Variants in NRF1 observed in about 807,000 individuals in gnomAD.
NRF1 encodes alpha palindromic-binding protein.
In NRF1, 5 loss-of-function variants were observed where a neutral mutation model predicts 58.5. The ratio of observed to expected loss-of-function variants is 0.09; its 90% CI spans 0.04 to 0.18. The LOEUF (loss-of-function observed/expected upper bound fraction) is 0.18. Among genes scored for constraint, NRF1 ranks in the 10% least tolerant of loss-of-function variants. The probability of loss-of-function intolerance (pLI) is 1.00; values close to 1 mark genes in which losing one functional copy is unlikely to be tolerated. For synonymous variants in NRF1, 224 were observed against 246.7 expected (o/e 0.91, Z 0.86); for missense variants, 288 against 657.7 (o/e 0.44, Z 6.15).
chr7:129,631,685 C>G (rs572784026), intron 1 of NRF1, among the ~76,000 whole-genome samples: 52 of 152,228 alleles, frequency 3.4e-4, no homozygotes, highest in African/African-American at 1.2e-3. Context: ...AATCACCAAC[C>G]TGGGAAATAC....
chr7:129,612,422 T>C (rs1168052459), intron 1 of NRF1, among the ~76,000 whole-genome samples: 1 of 152,164 alleles, frequency 6.6e-6, no homozygotes, highest in Non-Finnish European at 1.5e-5. Flanking sequence ...TGGCGTGGGC[T>C]TGTTACCCAG....
Position 129,719,497 on chromosome 7 carries a change from AACACACACACAC to A in NRF1, c.1223+2157_1223+2168del, listed in dbSNP as rs67443980. Among the ~76,000 whole-genome samples the A allele has an allele frequency of 1.5e-3, 216 of 142,006 alleles. 2 individuals carry two copies. Among genetic ancestry groups the A allele is most frequent in the African/African-American group, 4.3e-3 (168 of 38,800 alleles). 93.2% of individuals were successfully genotyped at this position (142,006 alleles called of 152,430 possible). ...TGGTTGATTAGGAATAGGAAACTGA[AACACACACACAC>A]ACACACACACACACACACACACACA... is the stretch of plus-strand genomic sequence containing the variant. On this transcript the variant is annotated intron_variant, in intron 9 of 10. Transcript: ENST00000393232.
chr7:129,697,017 A>T (rs1802714234), intron 5 of NRF1, among the ~76,000 whole-genome samples: 2 of 152,182 alleles, frequency 1.3e-5, no homozygotes, highest in South Asian at 4.1e-4. Flanking sequence ...ATGTTTTGAA[A>T]ACTAAAGCAT....
intron 2 of NRF1, among the ~76,000 whole-genome samples, chr7:129,668,352 A>G (rs1014266184): frequency 2.0e-5 from 3 of 152,162 alleles, no homozygotes; most frequent in African/African-American, 7.2e-5. Flanking sequence ...TATAACCTTA[A>G]TGAGTATAGC....
At chr7:129,656,231 A>G (rs2402966) in intron 1 of NRF1, among the ~76,000 whole-genome samples, 133,970 of 152,120 alleles carry the variant, frequency 0.88, 59,082 homozygotes, top group East Asian at 0.93. Flanking sequence ...TTGATCAGCA[A>G]GTGACTGGTT....
chr7:129,640,535 G>T (rs1801266880), intron 1 of NRF1, among the ~76,000 whole-genome samples: 1 of 151,878 alleles, frequency 6.6e-6, no homozygotes, highest in Non-Finnish European at 1.5e-5. Context: ...CAAATTTACC[G>T]TACCCCCAGT....
At chr7:129,668,238 A>T (rs1378563518) in intron 2 of NRF1, among the ~76,000 whole-genome samples, 1 of 152,124 alleles carries the variant, frequency 6.6e-6, no homozygotes, top group Non-Finnish European at 1.5e-5. Context: ...TCTGCAATTC[A>T]GTTGCTTTGA....
intron 1 of NRF1, among the ~76,000 whole-genome samples, chr7:129,626,967 G>A (rs1562952679): frequency 6.6e-6 from 1 of 152,182 alleles, no homozygotes; most frequent in Non-Finnish European, 1.5e-5. Context: ...AGGTGAAGTG[G>A]TATTTTTAAA....
At chr7:129,631,504 C>T (rs1197458080) in intron 1 of NRF1, among the ~76,000 whole-genome samples, 1 of 152,160 alleles carries the variant, frequency 6.6e-6, no homozygotes. Flanking sequence ...CTAGCTCAAT[C>T]AGTTCTCCCA....
At chr7:129,723,417 T>C (rs1803377878) in intron 9 of NRF1, among the ~76,000 whole-genome samples, 2 of 150,830 alleles carry the variant, frequency 1.3e-5, no homozygotes, top group Admixed American at 1.3e-4. Flanking sequence ...CACTCTAGCC[T>C]GGGCAACAAG....
chr7:129,677,545 A>G, intron 3 of NRF1, 87 bp from the exon 4 acceptor site: 3 of 1,254,520 alleles, frequency 2.4e-6, no homozygotes, highest in Admixed American at 1.9e-5. Flanking sequence ...TCTGATCAGA[A>G]TAAACTGTCT....
chr7:129,731,764 C>T (rs554584788), intron 10 of NRF1, among the ~76,000 whole-genome samples: 1 of 152,204 alleles, frequency 6.6e-6, no homozygotes, highest in South Asian at 2.1e-4. Flanking sequence ...CACTGCCACA[C>T]CGCGCTAATT....
chr7:129,681,575 A>AT (rs1339717340), intron 4 of NRF1, among the ~76,000 whole-genome samples: 2 of 152,078 alleles, frequency 1.3e-5, no homozygotes, highest in Non-Finnish European at 2.9e-5. Context: ...GTATTTATTT[A>AT]TTAATTTATT....
At chr7:129,658,187 A>G (rs1039574447) in intron 2 of NRF1, among the ~76,000 whole-genome samples, 1 of 152,042 alleles carries the variant, frequency 6.6e-6, no homozygotes, top group Non-Finnish European at 1.5e-5. Context: ...TTTCTTTTGT[A>G]GTGATTGAAA....
chr7:129,671,358 C>A lies in NRF1; in HGVS notation c.224-71C>A, dbSNP rs1170169886. 3.4e-6 allele frequency: 3 copies of A among 887,488 alleles called. No individual in the cohort carries two copies. The East Asian group carries it at 7.4e-5, about 22-fold the overall frequency. The allele number at this position is 887,488 out of a possible 1,614,324, so 55.0% of individuals were successfully genotyped here. A position where few individuals can be genotyped will look rare whatever the true frequency, so the allele number is the denominator to read the frequency against. ...GGAAAGCAGTGCTACCTTTTTTGTA[C>A]CTTTAATTGTTTCTGTCTTGAACAG... On this transcript the variant is annotated intron_variant, in intron 2 of 10. Transcript: ENST00000393232.
At chr7:129,662,037 G>A (rs753882463) in intron 2 of NRF1, among the ~76,000 whole-genome samples, 4 of 150,414 alleles carry the variant, frequency 2.7e-5, no homozygotes, top group Non-Finnish European at 4.4e-5. Flanking sequence ...CTTGTGCAGT[G>A]GAATTCCTCT....
In NRF1 at chr7:129,637,100, A is replaced by G. The variant is rs188665825; in HGVS notation, c.-6-20246A>G. On this transcript the variant is annotated intron_variant, in intron 1 of 10. Transcript: ENST00000393232. Reference sequence around the variant, plus strand: ...CAGTGAAATACTTGGATTAATCACCATGTTTCCACTTGTGCTCTGGAGTTC... The same window carrying G: ...CAGTGAAATACTTGGATTAATCACCGTGTTTCCACTTGTGCTCTGGAGTTC... Among the ~76,000 whole-genome samples, 56 of 152,270 alleles carry G rather than the reference A, an allele frequency of 3.7e-4. No individual in the cohort carries two copies. The East Asian group carries it at 0.011, about 29-fold the overall frequency.
intron 9 of NRF1, among the ~76,000 whole-genome samples, chr7:129,721,141 TG>T (rs1803312949): frequency 6.6e-6 from 1 of 152,214 alleles, no homozygotes; most frequent in South Asian, 2.1e-4. Context: ...TTCAGTTCTT[TG>T]GTTAAGCTGT....
intron 3 of NRF1, among the ~76,000 whole-genome samples, chr7:129,673,052 C>T (rs1458290850): frequency 6.6e-6 from 1 of 152,038 alleles, no homozygotes; most frequent in Non-Finnish European, 1.5e-5. Flanking sequence ...AGAGTGGTAT[C>T]CTGGAAACCA....
Sources: gnomAD v4.1 joint callset for allele counts (sites outside exome capture counted in the v4.1 genomes callset) on GRCh38, gnomAD v4.1.1 for gene constraint, MANE v1.5 for transcripts, NCBI Gene and HGNC (gene_info 2026-07-23, HGNC 2026-07-21) for gene names.